TNFSF13B: variants seen among roughly 807,000 people sequenced by gnomAD.
TNFSF13B encodes tumor necrosis factor ligand superfamily member 13B.
A neutral mutation model predicts 29.1 loss-of-function variants in TNFSF13B; 8 were observed. That is an observed-to-expected ratio of 0.27 (90% confidence interval 0.16 to 0.50). The LOEUF is 0.50. TNFSF13B is among the 20% of genes least tolerant of loss of function. The probability of loss-of-function intolerance (pLI) is 0.98; values close to 1 mark genes in which losing one functional copy is unlikely to be tolerated. For synonymous variants in TNFSF13B, 125 were observed against 130.8 expected (o/e 0.96, Z 0.30); for missense variants, 248 against 334.9 (o/e 0.74, Z 2.03).
At chr13:108,275,045 A>T (rs1880727046) in intron 2 of TNFSF13B, among the ~76,000 whole-genome samples, 2 of 152,154 alleles carry the variant, frequency 1.3e-5, no homozygotes, top group Non-Finnish European at 2.9e-5. Context: ...AGCTTAATGT[A>T]TTTCATAATA....
chr13:108,294,023 C>T (rs539954876), intron 3 of TNFSF13B, among the ~76,000 whole-genome samples: 6 of 152,262 alleles, frequency 3.9e-5, no homozygotes, highest in South Asian at 2.1e-4. Context: ...CAATCCATAA[C>T]GGATGCTACT....
chr13:108,275,827 G>T (rs1460373915), intron 2 of TNFSF13B, among the ~76,000 whole-genome samples: 2 of 152,090 alleles, frequency 1.3e-5, no homozygotes, highest in African/African-American at 4.8e-5. Context: ...GACTTAATTT[G>T]AATTTCACGA....
chr13:108,306,933 C>T lies in TNFSF13B; in HGVS notation c.853C>T (p.Leu285=), dbSNP rs769537337. Residue 285 remains leucine (L), a synonymous_variant, in exon 6 of 6, where the codon CTG becomes TTG. Transcript: ENST00000375887. The part of the protein sequence containing the change: ...DVTFFGALKL[L] The stretch of plus-strand genomic sequence containing the variant: ...CACATTTTTTGGTGCATTGAAACTG[C>T]TGTGACCTACTTACACCATGTCTGT... 3 of 1,559,256 alleles carry T rather than the reference C, an allele frequency of 1.9e-6. No individual in the cohort carries two copies. The highest frequency in any genetic ancestry group is 2.6e-6 in the Non-Finnish European group (3 of 1,146,564).
At chr13:108,277,716 C>G (rs913559070) in intron 2 of TNFSF13B, among the ~76,000 whole-genome samples, 11 of 152,108 alleles carry the variant, frequency 7.2e-5, no homozygotes, top group African/African-American at 2.4e-4. Flanking sequence ...TTATTCATGC[C>G]TCCCCTTTTT....
intron 3 of TNFSF13B, among the ~76,000 whole-genome samples, chr13:108,295,849 T>C (rs1881446783): frequency 6.8e-6 from 1 of 146,180 alleles, no homozygotes; most frequent in South Asian, 2.1e-4. Context: ...CAATTTTCCT[T>C]ATGTTATTGA....
Position 108,307,102 on chromosome 13 carries a change from C to T in TNFSF13B, c.*164C>T, listed in dbSNP as rs116898958. 13,043 of 529,332 alleles carry T rather than the reference C, an allele frequency of 0.025. 253 individuals are homozygous for T. Among genetic ancestry groups the T allele is most frequent in the Non-Finnish European group, 0.033 (10,267 of 308,914 alleles). 32.8% of individuals were successfully genotyped at this position (529,332 alleles called of 1,614,324 possible). A position where few individuals can be genotyped will look rare whatever the true frequency, so the allele number is the denominator to read the frequency against. On this transcript the variant is annotated 3_prime_UTR_variant, in exon 6 of 6. Coordinates refer to ENST00000375887, the MANE Select transcript of TNFSF13B (RefSeq NM_006573.5). ...TTTGTTTTGGTTTGCTGAAACTAGT[C>T]CAAAACAGGAAATTTAACAGACAGC...
intron 3 of TNFSF13B, among the ~76,000 whole-genome samples, chr13:108,299,921 CTAAG>C (rs1442017530): frequency 6.6e-6 from 1 of 152,112 alleles, no homozygotes; most frequent in Non-Finnish European, 1.5e-5. Context: ...TAGAGACCTA[CTAAG>C]TATTTGTTTT....
intron 3 of TNFSF13B, 119 bp downstream of exon 3, chr13:108,286,978 T>A (rs1023590980): frequency 2.0e-6 from 1 of 496,788 alleles, no homozygotes; most frequent in Non-Finnish European, 3.4e-6. Context: ...AAATGATGAG[T>A]TCATGTCCTT....
chr13:108,304,284 A>T (rs140095371), intron 5 of TNFSF13B, among the ~76,000 whole-genome samples: 1 of 152,058 alleles, frequency 6.6e-6, no homozygotes, highest in Non-Finnish European at 1.5e-5. Context: ...AGACAGGAGA[A>T]ATGCCCCTGG....
At position 108,303,234 on chromosome 13, in the gene TNFSF13B, A is replaced by G. The variant is rs1321719417; in HGVS notation, c.482-19A>G. 1.3e-6 allele frequency: 2 copies of G among 1,555,448 alleles called. No homozygotes were observed. The highest frequency in any genetic ancestry group is 1.8e-6 in the Non-Finnish European group (2 of 1,140,696). The stretch of plus-strand genomic sequence containing the variant: ...CTTTTCTTGGTTTCTTTCCTTATAA[A>G]TGATTCTCTTCATTGCAGGATCTTA... On this transcript the variant is annotated intron_variant, in intron 3 of 5. Transcript: ENST00000375887.
intron 3 of TNFSF13B, among the ~76,000 whole-genome samples, chr13:108,288,707 A>G (rs1451576300): frequency 1.3e-5 from 2 of 152,350 alleles, no homozygotes; most frequent in East Asian, 3.9e-4. Context: ...GGAGAAAACA[A>G]ACGAAAGGCC....
At chr13:108,291,070 T>A (rs1881293388) in intron 3 of TNFSF13B, among the ~76,000 whole-genome samples, 1 of 151,972 alleles carries the variant, frequency 6.6e-6, no homozygotes, top group African/African-American at 2.4e-5. Flanking sequence ...TTTTTTCACT[T>A]TTTAAATACT....
intron 3 of TNFSF13B, among the ~76,000 whole-genome samples, chr13:108,297,099 T>G (rs59103320): frequency 0.027 from 3,960 of 145,522 alleles, 549 homozygotes; most frequent in African/African-American, 0.043. Flanking sequence ...TTGTTTTATT[T>G]CTATCTCCTT....
intron 5 of TNFSF13B, among the ~76,000 whole-genome samples, chr13:108,305,434 G>A (rs1374376275): frequency 6.6e-6 from 1 of 152,072 alleles, no homozygotes; most frequent in African/African-American, 2.4e-5. Flanking sequence ...TGAAGTAGCC[G>A]ATAATTTAGT....
chr13:108,277,713 T>C (rs539552581), intron 2 of TNFSF13B, among the ~76,000 whole-genome samples: 1 of 152,314 alleles, frequency 6.6e-6, no homozygotes, highest in Non-Finnish European at 1.5e-5. Context: ...GGATTATTCA[T>C]GCCTCCCCTT....
chr13:108,303,940 A>C (rs1442794888), intron 5 of TNFSF13B, among the ~76,000 whole-genome samples: 1 of 152,206 alleles, frequency 6.6e-6, no homozygotes, highest in Non-Finnish European at 1.5e-5. Flanking sequence ...TATTTTCTTC[A>C]ACACTTAATA....
intron 3 of TNFSF13B, among the ~76,000 whole-genome samples, chr13:108,294,493 A>G (rs892675945): frequency 6.6e-6 from 1 of 151,988 alleles, no homozygotes; most frequent in East Asian, 1.9e-4. Context: ...AATTTTCTGT[A>G]TATAGAATTA....
At position 108,295,532 on chromosome 13, in the gene TNFSF13B, C is replaced by T. The variant is rs890498485; in HGVS notation, c.482-7721C>T. On this transcript the variant is annotated intron_variant, in intron 3 of 5. Transcript: ENST00000375887. ...TTCCATCTACCTTCTTTATTATTAC[C>T]TTCTTTATTATATTATCTGATCTTT... is the stretch of plus-strand genomic sequence containing the variant. Among the ~76,000 whole-genome samples, 31 of 144,286 alleles carry T rather than the reference C, an allele frequency of 2.1e-4. 5 individuals are homozygous for T. The highest frequency in any genetic ancestry group is 7.8e-4 in the African/African-American group (30 of 38,300). 94.7% of individuals were successfully genotyped at this position (144,286 alleles called of 152,430 possible).
At chr13:108,271,083 A>G (rs1274531732) in intron 2 of TNFSF13B, among the ~76,000 whole-genome samples, 1 of 151,916 alleles carries the variant, frequency 6.6e-6, no homozygotes, top group Non-Finnish European at 1.5e-5. Flanking sequence ...GACTTTCTTC[A>G]TGTTCTGCTC....
Sources: gnomAD v4.1 joint callset for allele counts (sites outside exome capture counted in the v4.1 genomes callset) on GRCh38, gnomAD v4.1.1 for gene constraint, MANE v1.5 for transcripts, NCBI Gene and HGNC (gene_info 2026-07-23, HGNC 2026-07-21) for gene names.